The following ORC2 variants were observed in gnomAD, a reference collection of about 807,000 sequenced individuals.
ORC2 encodes the protein origin recognition complex protein 2 homolog.
ORC2 carries 37 observed loss-of-function variants against 77.7 expected under a neutral mutation model. That is an observed-to-expected ratio of 0.48 (90% CI 0.37 to 0.63). The LOEUF is 0.63. Among genes scored for constraint, ORC2 ranks in the 20% least tolerant of loss-of-function variants. The pLI is 0.00. For synonymous variants in ORC2, 201 were observed against 229.5 expected, an observed-to-expected ratio of 0.88 and a Z score of 1.12; for missense variants, 557 against 661.9, an observed-to-expected ratio of 0.84 and a Z score of 1.74.
rs114065552 is a variant in ORC2, at chr2:200,916,697, T to A, written c.1467-2705A>T. Among the ~76,000 whole-genome samples, 388 of 152,212 alleles carry A rather than the reference T, an allele frequency of 2.5e-3. 3 individuals are homozygous for A. The highest frequency in any genetic ancestry group is 8.5e-3 in the African/African-American group (354 of 41,534). ...TAACCATTTAATGCCTATTTCAATT[T>A]TTTTATTTTATTTTATTTTATTTGA... On this transcript the variant is annotated intron_variant, in intron 15 of 17. Transcript: ENST00000234296.
chr2:200,941,564 A>G (rs2041153308), intron 6 of ORC2, among the ~76,000 whole-genome samples: 2 of 152,016 alleles, frequency 1.3e-5, no homozygotes, highest in South Asian at 4.1e-4. Context: ...TGAATTATAA[A>G]TTAATTCCAT....
At position 200,926,792 on chromosome 2, in the gene ORC2, G is replaced by T. The variant is rs753884899; in HGVS notation, c.1026C>A (p.Phe342Leu). 1 of 1,613,992 alleles carries T rather than the reference G, an allele frequency of 6.2e-7. No individual in the cohort carries two copies. Among genetic ancestry groups the T allele is most frequent in the South Asian group, 1.1e-5 (1 of 91,070 alleles). The change falls in exon 12 of 18, where the codon TTC (phenylalanine) becomes TTA (leucine). Residue 342 changes from phenylalanine to leucine, a missense_variant. Physicochemically the swap from Phe to Leu is conservative, Grantham distance 22. Coordinates refer to ENST00000234296, the MANE Select transcript of ORC2 (RefSeq NM_006190.5). ...CTGATTTCACACTGATTCCAGGAAA[G>T]AAGCCATTGATGACAACGTGAATGG... ...QDSIHVVING[F>L]FPGISVKSVL...
At chr2:200,962,495 A>G (rs1378516401) in intron 1 of ORC2, among the ~76,000 whole-genome samples, 1 of 152,268 alleles carries the variant, frequency 6.6e-6, no homozygotes, top group East Asian at 1.9e-4. Context: ...TCCATACTTT[A>G]TAACTGTGTG....
chr2:200,918,717 G>C lies in ORC2; in HGVS notation c.1466+1505C>G, dbSNP rs189698242. 2.0e-5 allele frequency among the ~76,000 whole-genome samples: 3 copies of C among 152,210 alleles called. No individual in the cohort carries two copies. The East Asian group carries it at 5.8e-4, about 29-fold the overall frequency. On this transcript the variant is annotated intron_variant, in intron 15 of 17. Coordinates refer to ENST00000234296, the MANE Select transcript of ORC2 (RefSeq NM_006190.5). The stretch of plus-strand genomic sequence containing the variant: ...TTGACCAGGATAGTCTCGAACTCCT[G>C]ACTTCAAGTGATCCACCCGCTTCGG...
intron 5 of ORC2, among the ~76,000 whole-genome samples, chr2:200,947,549 C>T (rs1266131091): frequency 6.6e-6 from 1 of 152,180 alleles, no homozygotes; most frequent in East Asian, 1.9e-4. Flanking sequence ...TCTTTTTCAA[C>T]TATTACATTT....
chr2:200,912,264 A>G lies in ORC2; in HGVS notation c.1648-877T>C, dbSNP rs189919924. ...AATCATAATCTTCTCTCTCCAACCCATATCTTTCCTCTGGTTTCTTGTCCT... is the reference window on the plus strand; with the variant it reads ...AATCATAATCTTCTCTCTCCAACCCGTATCTTTCCTCTGGTTTCTTGTCCT... On this transcript the variant is annotated intron_variant, in intron 17 of 17. Coordinates refer to ENST00000234296, the MANE Select transcript of ORC2 (RefSeq NM_006190.5). 2.7e-4 allele frequency among the ~76,000 whole-genome samples: 41 copies of G among 152,296 alleles called. No individual in the cohort carries two copies. The South Asian group carries it at 4.3e-3, about 16-fold the overall frequency.
At chr2:200,915,211 C>A (rs1055109539) in intron 15 of ORC2, among the ~76,000 whole-genome samples, 15 of 151,760 alleles carry the variant, frequency 9.9e-5, no homozygotes, top group African/African-American at 3.6e-4. Context: ...CGGGGTTTCG[C>A]CATGTTGGTC....
intron 7 of ORC2, 66 bp downstream of exon 7, chr2:200,941,182 C>T: frequency 7.7e-7 from 1 of 1,294,280 alleles, no homozygotes; most frequent in Non-Finnish European, 1.1e-6. Flanking sequence ...CATTGAATTT[C>T]TGGCAATTTT....
rs968968716 is a variant in ORC2 at position 200,959,982 on chromosome 2, A to AT, written c.-59-543dup. On this transcript the variant is annotated intron_variant, in intron 1 of 17. Coordinates refer to ENST00000234296, the MANE Select transcript of ORC2 (RefSeq NM_006190.5). ...GCAACAGAGTGAGACTCTGTCTCTAATTTTTTTTTCTTTTTTTTTGAGACA... is the reference window on the plus strand; with the variant it reads ...GCAACAGAGTGAGACTCTGTCTCTAATTTTTTTTTTCTTTTTTTTTGAGACA... Among the ~76,000 whole-genome samples, 429 of 150,958 alleles carry AT rather than the reference A, an allele frequency of 2.8e-3. 3 individuals are homozygous for AT. The highest frequency in any genetic ancestry group is 0.01 in the African/African-American group (418 of 41,112).
chr2:200,920,137 G>A, intron 15 of ORC2, 85 bp downstream of exon 15: 1 of 941,790 alleles, frequency 1.1e-6, no homozygotes, highest in Non-Finnish European at 1.5e-6. Flanking sequence ...AACTAACTAG[G>A]GACTTCAGTA....
chr2:200,946,834 C>A (rs1228107327), intron 5 of ORC2, among the ~76,000 whole-genome samples: 1 of 152,152 alleles, frequency 6.6e-6, no homozygotes, highest in African/African-American at 2.4e-5. Flanking sequence ...CTAATTATTA[C>A]ATCAGCATTT....
chr2:200,915,414 G>A (rs977168977), intron 15 of ORC2, among the ~76,000 whole-genome samples: 1 of 152,008 alleles, frequency 6.6e-6, no homozygotes, highest in East Asian at 1.9e-4. Context: ...TGGTTTGGAT[G>A]TTTACATTAT....
chr2:200,935,835 T>C lies in ORC2; in HGVS notation c.572A>G (p.Asp191Gly), dbSNP rs1288883197. The change falls in exon 9 of 18, where the codon GAT (aspartate) becomes GGT (glycine). Residue 191 changes from aspartate to glycine, a missense_variant. Physicochemically the swap from Asp to Gly is moderately conservative, Grantham distance 94 (BLOSUM62 -1). Transcript: ENST00000234296. ...SEYSASNSED[D>G]EGVAQEHEED... Reference sequence around the variant, plus strand: ...TTCATGTTCCTGTGCAACCCCTTCATCATCCTCTGAGTTGGAAGCAGAATA... The same window carrying C: ...TTCATGTTCCTGTGCAACCCCTTCACCATCCTCTGAGTTGGAAGCAGAATA... 1 of 1,614,032 alleles carries C rather than the reference T, an allele frequency of 6.2e-7. No individual in the cohort carries two copies. The highest frequency in any genetic ancestry group is 8.5e-7 in the Non-Finnish European group (1 of 1,180,016).
At chr2:200,930,097 A>T (rs2040912544) in intron 11 of ORC2, among the ~76,000 whole-genome samples, 2 of 152,150 alleles carry the variant, frequency 1.3e-5, no homozygotes, top group South Asian at 4.2e-4. Flanking sequence ...CACCCAGAAC[A>T]CCAAGCACTA....
At chr2:200,943,887 T>G (rs146875044) in intron 5 of ORC2, among the ~76,000 whole-genome samples, 256 of 152,108 alleles carry the variant, frequency 1.7e-3, no homozygotes, top group African/African-American at 5.0e-3. Context: ...CTACTGGTTG[T>G]GGTTATTTCA....
In ORC2 at chr2:200,937,835, A is replaced by G. The variant is rs536736892; in HGVS notation, c.514+71T>C. On this transcript the variant is annotated intron_variant, in intron 8 of 17. Transcript: ENST00000234296. ...CAAGCAGTCTAAGTCTAGAACCTAT[A>G]TACTTAACTATTATTGCCTCTTGTT... 2.1e-5 allele frequency: 21 copies of G among 992,224 alleles called. No homozygotes were observed. In the African/African-American group the frequency reaches 2.9e-4, roughly 14 times the overall value. The allele number at this position is 992,224 out of a possible 1,614,324, so 61.5% of individuals were successfully genotyped here.
At chr2:200,932,314 G>GT (rs1299112999) in intron 10 of ORC2, among the ~76,000 whole-genome samples, 1 of 145,566 alleles carries the variant, frequency 6.9e-6, no homozygotes, top group Non-Finnish European at 1.5e-5. Context: ...GTTATCTCAT[G>GT]TATGTACTTT....
At position 200,957,390 on chromosome 2, in the gene ORC2, C is replaced by A. The variant is rs770891982; in HGVS notation, c.238+11G>T. On this transcript the variant is annotated intron_variant, in intron 4 of 17. Transcript: ENST00000234296. ...AGCAGAAACGAGTGTATATTTCACC[C>A]CCTCAAATACCTTGAACATCTCTTC... 1 of 1,549,150 alleles carries A rather than the reference C, an allele frequency of 6.5e-7. No homozygotes were observed. Among genetic ancestry groups the A allele is most frequent in the Admixed American group, 1.9e-5 (1 of 51,510 alleles).
Position 200,911,254 on chromosome 2 carries a change from G to C in ORC2, c.*47C>G. 9.4e-7 allele frequency: 1 copy of C among 1,067,616 alleles called. No individual in the cohort carries two copies. Among genetic ancestry groups the C allele is most frequent in the Non-Finnish European group, 1.5e-6 (1 of 687,888 alleles). The allele number at this position is 1,067,616 out of a possible 1,614,324, so 66.1% of individuals were successfully genotyped here. A position where few individuals can be genotyped will look rare whatever the true frequency, so the allele number is the denominator to read the frequency against. ...AACACTTTCAACTAGAGGAGTGGCAGCTGGGGTACAACCCTTCCATGGGAG... is the reference window on the plus strand; with the variant it reads ...AACACTTTCAACTAGAGGAGTGGCACCTGGGGTACAACCCTTCCATGGGAG... On this transcript the variant is annotated 3_prime_UTR_variant, in exon 18 of 18. Transcript: ENST00000234296.
Sources: gnomAD v4.1 joint callset for allele counts (sites outside exome capture counted in the v4.1 genomes callset) on GRCh38, gnomAD v4.1.1 for gene constraint, MANE v1.5 for transcripts, NCBI Gene and HGNC (gene_info 2026-07-23, HGNC 2026-07-21) for gene names.